The following KIAA1191 variants were observed in gnomAD, a reference collection of about 807,000 sequenced individuals.
The protein encoded by KIAA1191 is KIAA1191.
KIAA1191 carries 22 observed loss-of-function variants against 31.1 expected under a neutral mutation model. That is an observed-to-expected ratio of 0.71 (90% CI 0.51 to 1.01). KIAA1191 has a LOEUF of 1.01. Ranked by LOEUF, KIAA1191 falls within the 50% of genes least tolerant of loss-of-function variation. The pLI is 0.00. For synonymous variants in KIAA1191, 130 were observed against 143.9 expected, an observed-to-expected ratio of 0.90 and a Z score of 0.69; for missense variants, 319 against 388.0, an observed-to-expected ratio of 0.82 and a Z score of 1.49.
chr5:176,349,937 G>A (rs546504854), intron 6 of KIAA1191, among the ~76,000 whole-genome samples: 3 of 152,118 alleles, frequency 2.0e-5, no homozygotes, highest in African/African-American at 7.2e-5. Context: ...GCCCCTTCAG[G>A]AGCCAGATTT....
At position 176,359,517 on chromosome 5, in the gene KIAA1191, T is replaced by A; in HGVS notation, c.-9A>T. On this transcript the variant is annotated 5_prime_UTR_variant, in exon 3 of 9. Transcript: ENST00000298569. ...GGTTGTCTTGAAGCCATTGAAAGAC[T>A]GGGATCCAGGTGCTTTTTCTATACA... The A allele has an allele frequency of 6.2e-7, 1 of 1,612,486 alleles. No individual in the cohort carries two copies. The highest frequency in any genetic ancestry group is 1.1e-5 in the South Asian group (1 of 91,046).
At chr5:176,358,608 C>G (rs557482692) in intron 3 of KIAA1191, among the ~76,000 whole-genome samples, 1 of 151,848 alleles carries the variant, frequency 6.6e-6, no homozygotes, top group Non-Finnish European at 1.5e-5. Context: ...CCCAGCTACT[C>G]GAGGCTGAGG....
In KIAA1191 at chr5:176,346,670, G is replaced by A. The variant is rs925469439; in HGVS notation, c.*930C>T. On this transcript the variant is annotated 3_prime_UTR_variant, in exon 9 of 9. Transcript: ENST00000298569. ...ATAGAAAGAGGAGCATGCCTCCTCC[G>A]GCACTGGCCTAAGAGGCCCCACATG... is the stretch of plus-strand genomic sequence containing the variant. The A allele has an allele frequency of 6.6e-5, 10 of 152,356 alleles. No homozygotes were observed. Among genetic ancestry groups the A allele is most frequent in the Non-Finnish European group, 1.0e-4 (7 of 68,022 alleles). The allele number at this position is 152,356 out of a possible 1,614,324, so 9.4% of individuals were successfully genotyped here. A position where few individuals can be genotyped will look rare whatever the true frequency, so the allele number is the denominator to read the frequency against.
chr5:176,359,039 G>A (rs1418868507), intron 3 of KIAA1191, among the ~76,000 whole-genome samples: 74 of 144,622 alleles, frequency 5.1e-4, no homozygotes, highest in African/African-American at 1.6e-3. Context: ...AGCTGAGATC[G>A]CGCCACTGCA....
At chr5:176,353,753 T>C (rs575666783) in intron 4 of KIAA1191, among the ~76,000 whole-genome samples, 231 of 152,284 alleles carry the variant, frequency 1.5e-3, no homozygotes, top group African/African-American at 5.2e-3. Flanking sequence ...AGAAGAAATC[T>C]GGAAGCCCGC....
chr5:176,355,595 C>G lies in KIAA1191; in HGVS notation c.183G>C (p.Glu61Asp). 1 of 1,611,424 alleles carries G rather than the reference C, an allele frequency of 6.2e-7. No individual in the cohort carries two copies. The highest frequency in any genetic ancestry group is 8.5e-7 in the Non-Finnish European group (1 of 1,179,278). The change falls in exon 4 of 9, where the codon GAG (glutamate) becomes GAC (aspartate). Residue 61 changes from glutamate to aspartate, a missense_variant. By Grantham distance (45) the Glu-to-Asp change is conservative (BLOSUM62 2). Coordinates refer to ENST00000298569, the MANE Select transcript of KIAA1191 (RefSeq NM_020444.5). The surrounding 1 kb of genome is among the most constrained non-coding windows in gnomAD (Gnocchi z 4.2). ...CCTTGGCGAGGTGCTGATACTTGCGCTCTGGAATCACTGGCTTCCAAGGGA... is the reference window on the plus strand; with the variant it reads ...CCTTGGCGAGGTGCTGATACTTGCGGTCTGGAATCACTGGCTTCCAAGGGA... Reference protein sequence around the residue: ...GSVPWKPVIPERKYQHLAKVE... With the variant: ...GSVPWKPVIPDRKYQHLAKVE...
intron 3 of KIAA1191, among the ~76,000 whole-genome samples, chr5:176,356,800 C>T (rs1161038392): frequency 6.6e-6 from 1 of 152,174 alleles, no homozygotes; most frequent in African/African-American, 2.4e-5. Flanking sequence ...TCTAAGACAT[C>T]AACCTGCCTG....
chr5:176,350,989 G>A (rs565020509), intron 5 of KIAA1191, among the ~76,000 whole-genome samples: 59 of 152,204 alleles, frequency 3.9e-4, no homozygotes, highest in African/African-American at 1.2e-3. Context: ...GAAGAACCTT[G>A]AGGACAATAC....
chr5:176,352,822 G>T, intron 4 of KIAA1191, 74 bp from the exon 5 acceptor site: 1 of 1,440,282 alleles, frequency 6.9e-7, no homozygotes, highest in South Asian at 1.4e-5. Context: ...TACTCCTTTG[G>T]GGAGGAAGTT....
In KIAA1191 at chr5:176,361,160, A is replaced by AC. The variant is rs1767974164; in HGVS notation, c.-168+441dup. 1 of 118,814 alleles carries AC rather than the reference A, an allele frequency of 8.4e-6. No individual in the cohort carries two copies. Among genetic ancestry groups the AC allele is most frequent in the African/African-American group, 3.3e-5 (1 of 30,658 alleles). 7.4% of individuals were successfully genotyped at this position (118,814 alleles called of 1,614,324 possible). On this transcript the variant is annotated intron_variant, in intron 1 of 8. Coordinates refer to ENST00000298569, the MANE Select transcript of KIAA1191 (RefSeq NM_020444.5). This position sits in a 1 kb window ranked among gnomAD's most constrained non-coding sequence, Gnocchi z 4.0. ...CCCCTTTCCCTTTCCCTGTGCCCCC[A>AC]CCCCCCAGCTCACCGTCCCTCTGCC... is the stretch of plus-strand genomic sequence containing the variant.
Position 176,355,747 on chromosome 5 carries a change from G to T in KIAA1191, c.31C>A (p.Leu11Ile). 6.2e-7 allele frequency: 1 copy of T among 1,614,068 alleles called. No individual in the cohort carries two copies. Among genetic ancestry groups the T allele is most frequent in the South Asian group, 1.1e-5 (1 of 91,064 alleles). ...TTGCCTAGAGGCGCACTAGCCTCAAGAGCTAAGAACAGAGACACCTGTCAA... is the reference window on the plus strand; with the variant it reads ...TTGCCTAGAGGCGCACTAGCCTCAATAGCTAAGAACAGAGACACCTGTCAA... Reference protein sequence around the residue: MASRQPEVPALEASAPLGKMS... With the variant: MASRQPEVPAIEASAPLGKMS... Residue 11 changes from leucine (L) to isoleucine (I), a missense_variant and splice_region_variant, in exon 4 of 9, where the codon CTT becomes ATT. By Grantham distance (5) the Leu-to-Ile change is conservative. Coordinates refer to ENST00000298569, the MANE Select transcript of KIAA1191 (RefSeq NM_020444.5). The surrounding 1 kb of genome is among the most constrained non-coding windows in gnomAD (Gnocchi z 4.2).
rs747793573 is a variant in KIAA1191 at position 176,352,685 on chromosome 5, C to A, written c.271G>T (p.Val91Leu). ...AMTLSSAIDS[V>L]DKVPVVKAKA... ...GCCTTCACCACTGGGACCTTGTCCACACTGTCAATGGCTGATGACAGGGTC... is the reference window on the plus strand; with the variant it reads ...GCCTTCACCACTGGGACCTTGTCCAAACTGTCAATGGCTGATGACAGGGTC... Residue 91 changes from valine (V) to leucine (L), a missense_variant, in exon 5 of 9, where the codon GTG (valine) becomes TTG (leucine). Val to Leu is a conservative substitution (Grantham distance 32). Coordinates refer to ENST00000298569, the MANE Select transcript of KIAA1191 (RefSeq NM_020444.5). The A allele has an allele frequency of 1.4e-5, 22 of 1,614,106 alleles. No homozygotes were observed. The highest frequency in any genetic ancestry group is 1.9e-5 in the Non-Finnish European group (22 of 1,179,966).
At chr5:176,348,154 C>A (rs1766682904) in intron 7 of KIAA1191, 91 bp from the exon 8 acceptor site, 24 of 1,593,472 alleles carry the variant, frequency 1.5e-5, no homozygotes, top group Non-Finnish European at 2.1e-5. Flanking sequence ...ACTATCCCTT[C>A]TCCCTCTGAA....
chr5:176,352,823 G>A (rs1375264463), intron 4 of KIAA1191, 75 bp from the exon 5 acceptor site: 2 of 1,448,958 alleles, frequency 1.4e-6, no homozygotes, highest in Non-Finnish European at 1.8e-6. Context: ...ACTCCTTTGG[G>A]GAGGAAGTTA....
In KIAA1191 at chr5:176,355,259, T is replaced by TA. The variant is rs1365746887; in HGVS notation, c.207+311dup. 1.3e-5 allele frequency among the ~76,000 whole-genome samples: 2 copies of TA among 151,848 alleles called. No individual in the cohort carries two copies. Among genetic ancestry groups the TA allele is most frequent in the Non-Finnish European group, 2.9e-5 (2 of 67,962 alleles). ...AAAGAAAAAAAAAAGGAGGGAGATT[T>TA]AAAAAACCATCTATTGGGTACACTG... On this transcript the variant is annotated intron_variant, in intron 4 of 8. Transcript: ENST00000298569. The surrounding 1 kb of genome is among the most constrained non-coding windows in gnomAD (Gnocchi z 4.2).
intron 1 of KIAA1191, among the ~76,000 whole-genome samples, chr5:176,360,980 CTT>C (rs76430113): frequency 0.2 from 30,047 of 151,796 alleles, 3,025 homozygotes; most frequent in Middle Eastern, 0.29. Context: ...GAAAGTTACT[CTT>C]GTTTTTCAGC....
intron 5 of KIAA1191, among the ~76,000 whole-genome samples, chr5:176,351,109 A>G (rs570740899): frequency 6.6e-5 from 10 of 151,278 alleles, no homozygotes; most frequent in South Asian, 2.1e-4. Context: ...TTGGGAGGTC[A>G]AGGCGGGCGG....
rs1322289527 is a variant in KIAA1191, at chr5:176,346,377, G to A, written c.*1223C>T. ...TTTCATACAGAAAATTTTGAATTGA[G>A]TGACCTCCCCGCACAGGCGTTCCAG... On this transcript the variant is annotated 3_prime_UTR_variant, in exon 9 of 9. Transcript: ENST00000298569. The A allele has an allele frequency of 6.6e-6, 1 of 152,232 alleles. No individual in the cohort carries two copies. Among genetic ancestry groups the A allele is most frequent in the African/African-American group, 2.4e-5 (1 of 41,462 alleles). 9.4% of individuals were successfully genotyped at this position (152,232 alleles called of 1,614,324 possible).
chr5:176,347,836 A>T (rs115897835), intron 8 of KIAA1191, 28 bp from the exon 9 acceptor site: 18 of 1,603,542 alleles, frequency 1.1e-5, no homozygotes, highest in Non-Finnish European at 1.4e-5. Flanking sequence ...AGTGCAAATG[A>T]TTTCAAAACC....
Sources: gnomAD v4.1 joint callset for allele counts (sites outside exome capture counted in the v4.1 genomes callset) on GRCh38, gnomAD v4.1.1 for gene constraint, Gnocchi (gnomAD v3.1) non-coding constraint, MANE v1.5 for transcripts, NCBI Gene and HGNC (gene_info 2026-07-23, HGNC 2026-07-21) for gene names.